C10orf90: variants seen among roughly 807,000 people sequenced by gnomAD.
C10orf90 encodes (E2-independent) E3 ubiquitin-conjugating enzyme FATS.
A neutral mutation model predicts 62.5 loss-of-function variants in C10orf90; 56 were observed. That is an observed-to-expected ratio of 0.90 (90% CI 0.72 to 1.12). The LOEUF is 1.12. C10orf90 is among the 50% of genes most tolerant of loss of function. The pLI, the probability that C10orf90 is intolerant of heterozygous loss-of-function variation, is 0.00. For synonymous variants in C10orf90, 386 were observed against 340.4 expected (o/e 1.13, Z -1.47); for missense variants, 970 against 880.4 (o/e 1.10, Z -1.29).
chr10:126,583,171 C>T (rs1292791967), intron 2 of C10orf90, among the ~76,000 whole-genome samples: 1 of 152,194 alleles, frequency 6.6e-6, no homozygotes, highest in African/African-American at 2.4e-5. Context: ...ATAAACACTG[C>T]TTTAAAGATA....
At chr10:126,583,898 T>C (rs1212450108) in intron 2 of C10orf90, among the ~76,000 whole-genome samples, 1 of 152,134 alleles carries the variant, frequency 6.6e-6, no homozygotes, top group Non-Finnish European at 1.5e-5. Flanking sequence ...GGAGGGTTGC[T>C]TGAGCCCAGG....
chr10:126,638,217 T>C (rs951168363), intron 2 of C10orf90, among the ~76,000 whole-genome samples: 3 of 152,128 alleles, frequency 2.0e-5, no homozygotes, highest in African/African-American at 7.2e-5. Context: ...ATTCATGACT[T>C]GGATCTGATT....
intron 2 of C10orf90, among the ~76,000 whole-genome samples, chr10:126,542,462 C>T (rs1242917078): frequency 2.0e-5 from 3 of 151,978 alleles, no homozygotes; most frequent in African/African-American, 7.3e-5. Context: ...GAGATTGTGC[C>T]ACTGCACTCC....
chr10:126,565,203 T>TTATGTAATATAAATATTATATTACATAA (rs1844328178), intron 2 of C10orf90, among the ~76,000 whole-genome samples: 1 of 24,746 alleles, frequency 4.0e-5, no homozygotes, highest in African/African-American at 1.2e-4. Flanking sequence ...ATATTACATA[T>TTATGTAATATAAATATTATATTACATAA]TATGTAATAT....
intron 2 of C10orf90, among the ~76,000 whole-genome samples, chr10:126,568,260 C>T (rs1304805933): frequency 1.3e-5 from 2 of 152,200 alleles, no homozygotes; most frequent in East Asian, 3.9e-4. Context: ...CTGGAATCAG[C>T]CCGTTAGCCA....
chr10:126,508,053 C>T (rs1220814751), intron 3 of C10orf90, among the ~76,000 whole-genome samples: 1 of 151,314 alleles, frequency 6.6e-6, no homozygotes, highest in South Asian at 2.1e-4. Context: ...AAAAAAAAGA[C>T]CCACTTTGGA....
intron 2 of C10orf90, among the ~76,000 whole-genome samples, chr10:126,545,475 C>A (rs201896918): frequency 2.8e-5 from 4 of 140,946 alleles, no homozygotes; most frequent in African/African-American, 7.8e-5. Flanking sequence ...AAAAAAAAAA[C>A]CTTTAAAAGT....
intron 7 of C10orf90, among the ~76,000 whole-genome samples, chr10:126,447,944 G>A (rs779636905): frequency 3.3e-5 from 5 of 151,510 alleles, no homozygotes; most frequent in African/African-American, 4.9e-5. Context: ...CTCCGCCTCC[G>A]GGGTTCAAGT....
At chr10:126,547,254 C>CA (rs1230895722) in intron 2 of C10orf90, among the ~76,000 whole-genome samples, 1 of 151,636 alleles carries the variant, frequency 6.6e-6, no homozygotes, top group Non-Finnish European at 1.5e-5. Context: ...CCCATCTCTA[C>CA]AAAAAATAAA....
At chr10:126,575,545 T>A (rs918009196) in intron 2 of C10orf90, among the ~76,000 whole-genome samples, 2 of 151,506 alleles carry the variant, frequency 1.3e-5, no homozygotes, top group African/African-American at 4.9e-5. Flanking sequence ...AAAATACCAA[T>A]GACATTTTTC....
intron 2 of C10orf90, among the ~76,000 whole-genome samples, chr10:126,518,179 G>A (rs1863545956): frequency 6.6e-6 from 1 of 152,098 alleles, no homozygotes; most frequent in Admixed American, 6.5e-5. Flanking sequence ...TCAACAGCAA[G>A]GGCTCCCAAA....
intron 7 of C10orf90, among the ~76,000 whole-genome samples, chr10:126,445,226 T>C (rs951615304): frequency 2.0e-5 from 3 of 151,868 alleles, no homozygotes; most frequent in African/African-American, 7.3e-5. Flanking sequence ...GCAGAGTAAA[T>C]AGACAAAACA....
intron 2 of C10orf90, among the ~76,000 whole-genome samples, chr10:126,565,126 A>AATATTATATTACATAATATG (rs1564874033): frequency 7.8e-4 from 22 of 28,334 alleles, no homozygotes; most frequent in Non-Finnish European, 1.4e-3. Flanking sequence ...TATATAATAT[A>AATATTATATTACATAATATG]TAATATAAAT....
intron 1 of C10orf90, among the ~76,000 whole-genome samples, chr10:126,650,674 G>A (rs1050457460): frequency 3.3e-5 from 5 of 152,194 alleles, no homozygotes; most frequent in Admixed American, 6.5e-5. Context: ...AGAGTGGGAT[G>A]CCCCAGCTGG....
At chr10:126,595,776 G>T (rs1290217197) in intron 2 of C10orf90, among the ~76,000 whole-genome samples, 2 of 152,266 alleles carry the variant, frequency 1.3e-5, no homozygotes, top group East Asian at 1.9e-4. Flanking sequence ...CAGTGGAGGA[G>T]CCCTGACTGG....
intron 4 of C10orf90, chr10:126,502,927 T>C: frequency 2.6e-6 from 1 of 382,330 alleles, no homozygotes. Context: ...TCAATATATA[T>C]ACAGTTGTTA....
At chr10:126,472,831 T>C (rs892257675) in intron 4 of C10orf90, among the ~76,000 whole-genome samples, 15 of 152,122 alleles carry the variant, frequency 9.9e-5, no homozygotes, top group African/African-American at 3.6e-4. Context: ...CATGTGTGTG[T>C]GTGTGTCTGC....
At chr10:126,553,574 C>T (rs10751563) in intron 2 of C10orf90, among the ~76,000 whole-genome samples, 110,347 of 152,012 alleles carry the variant, frequency 0.73, 40,140 homozygotes, top group Middle Eastern at 0.78. Context: ...ACCTTTCCTA[C>T]GTATAGATAT....
intron 2 of C10orf90, among the ~76,000 whole-genome samples, chr10:126,639,998 A>G (rs1046166747): frequency 6.6e-6 from 1 of 152,230 alleles, no homozygotes; most frequent in Non-Finnish European, 1.5e-5. Context: ...CACAGGTGTC[A>G]CACAGTGGCA....
Sources: gnomAD v4.1 joint callset for allele counts (sites outside exome capture counted in the v4.1 genomes callset) on GRCh38, gnomAD v4.1.1 for gene constraint, MANE v1.5 for transcripts, NCBI Gene and HGNC (gene_info 2026-07-23, HGNC 2026-07-21) for gene names.